The following PIK3R6 variants were observed in gnomAD, a reference collection of about 807,000 sequenced individuals.
The protein encoded by PIK3R6 is phosphoinositide-3-kinase regulatory subunit 6.
A neutral mutation model predicts 84.9 loss-of-function variants in PIK3R6; 91 were observed. The ratio of observed to expected loss-of-function variants is 1.07; its 90% CI spans 0.90 to 1.28. The LOEUF (loss-of-function observed/expected upper bound fraction) is 1.28, where lower values mean the gene tolerates loss of function less well. Among genes scored for constraint, PIK3R6 ranks in the 50% most tolerant of loss-of-function variants. PIK3R6 has a pLI of 0.00. For missense variants in PIK3R6, 996 were observed against 985.1 expected (o/e 1.01, Z -0.15); for synonymous variants, 416 against 411.4 (o/e 1.01, Z -0.13).
intron 1 of PIK3R6, among the ~76,000 whole-genome samples, chr17:8,854,189 C>A (rs541403593): frequency 6.6e-6 from 1 of 151,834 alleles, no homozygotes; most frequent in East Asian, 1.9e-4. Flanking sequence ...CTTGCTCTGT[C>A]GCCAGGCTGG....
chr17:8,821,843 CA>C lies in PIK3R6; in HGVS notation c.1879+2del. On this transcript the variant is annotated splice_donor_variant, in intron 17 of 19. Transcript: ENST00000619866. LOFTEE classifies it high-confidence loss of function. ...TCTTTGCTCTGCATTCCCCATTCCT[CA>C]CCTTCTGTGTCGCTGGCTGGAATGG... 6.3e-7 allele frequency: 1 copy of C among 1,589,092 alleles called. No homozygotes were observed. Among genetic ancestry groups the C allele is most frequent in the Non-Finnish European group, 8.6e-7 (1 of 1,167,174 alleles).
In PIK3R6 at chr17:8,803,315, G is replaced by T. The variant is rs1453134990; in HGVS notation, c.2223C>A (p.Pro741=). Reference sequence around the variant, plus strand: ...AGAATGTGTTGATGGGCATCAGAAGGGGCTTGGGCTTGGCTTTGATTGCTT... The same window carrying T: ...AGAATGTGTTGATGGGCATCAGAAGTGGCTTGGGCTTGGCTTTGATTGCTT... The part of the protein sequence containing the change: ...EVEAIKAKPK[P]LLMPINTFSG... The change falls in exon 20 of 20, where the codon CCC becomes CCA. Residue 741 remains proline (P), a synonymous_variant. Coordinates refer to ENST00000619866, the MANE Select transcript of PIK3R6 (RefSeq NM_001010855.4). This position sits in a 1 kb window ranked among gnomAD's most constrained non-coding sequence, Gnocchi z 5.0. 3 of 1,613,150 alleles carry T rather than the reference G, an allele frequency of 1.9e-6. No homozygotes were observed. Among genetic ancestry groups the T allele is most frequent in the Admixed American group, 3.3e-5 (2 of 60,018 alleles).
chr17:8,855,857 T>C (rs188858939), intron 1 of PIK3R6, among the ~76,000 whole-genome samples: 280 of 152,372 alleles, frequency 1.8e-3, no homozygotes, highest in African/African-American at 6.5e-3. Flanking sequence ...TAAAAACTTA[T>C]GTTCACACAA....
intron 1 of PIK3R6, among the ~76,000 whole-genome samples, chr17:8,861,245 G>T (rs541747485): frequency 1.9e-4 from 29 of 152,002 alleles, no homozygotes; most frequent in African/African-American, 6.8e-4. Context: ...TCTATATTGT[G>T]GTTCAAGTTG....
intron 17 of PIK3R6, among the ~76,000 whole-genome samples, chr17:8,819,909 CATATATATATTTTATATAT>C (rs1329472887): frequency 5.7e-5 from 8 of 140,488 alleles, no homozygotes; most frequent in Admixed American, 1.4e-4. Context: ...TGTATACATA[CATATATATATTTTATATAT>C]ATATATATAT....
chr17:8,843,447 T>C lies in PIK3R6; in HGVS notation c.14-3750A>G, dbSNP rs75841734. On this transcript the variant is annotated intron_variant, in intron 2 of 19. Transcript: ENST00000619866. ...ACAGCCAAGCCTTTGTCTTCTGAGC[T>C]TGGGTCCCCTTGCTTTGCAAGGGAA... Among the ~76,000 whole-genome samples the C allele has an allele frequency of 1.3e-3, 204 of 152,300 alleles. 1 individual carries two copies. In the East Asian group the frequency reaches 0.029, roughly 21 times the overall value.
Position 8,867,644 on chromosome 17 carries a change from C to G in PIK3R6, c.-207G>C. On this transcript the variant is annotated 5_prime_UTR_variant, in exon 1 of 20. Transcript: ENST00000619866. ...GTCTTGGGGGAGCCTCCACGGGTGT[C>G]TGTGGTCTTGACTGTGCTCTTCAGA... is the stretch of plus-strand genomic sequence containing the variant. 1 of 490,260 alleles carries G rather than the reference C, an allele frequency of 2.0e-6. No individual in the cohort carries two copies. Among genetic ancestry groups the G allele is most frequent in the Non-Finnish European group, 4.1e-6 (1 of 242,306 alleles). The allele number at this position is 490,260 out of a possible 1,614,324, so 30.4% of individuals were successfully genotyped here.
At position 8,836,886 on chromosome 17, in the gene PIK3R6, T is replaced by G. The variant is rs1304360770; in HGVS notation, c.296A>C (p.Tyr99Ser). ...GGTCAGTAACCTTGTGCAAAAGGCA[T>G]AGATTCTCTGGTAGAGCTCTTCTGT... ...GITEELYQRI[Y>S]AFCTRLLTLP... is the part of the protein sequence containing the mutation. Residue 99 changes from tyrosine to serine, a missense_variant, in exon 6 of 20, where the codon TAT becomes TCT. Transcript: ENST00000619866. 6.4e-7 allele frequency: 1 copy of G among 1,558,590 alleles called. No homozygotes were observed. Among genetic ancestry groups the G allele is most frequent in the African/African-American group, 1.4e-5 (1 of 73,310 alleles).
chr17:8,847,884 G>T (rs542874892), intron 2 of PIK3R6, among the ~76,000 whole-genome samples: 2 of 152,084 alleles, frequency 1.3e-5, no homozygotes, highest in South Asian at 4.2e-4. Context: ...TTATCCACTG[G>T]ATCTGGGAAT....
At chr17:8,829,137 A>G in intron 10 of PIK3R6, 147 bp from the exon 11 acceptor site, 1 of 699,880 alleles carries the variant, frequency 1.4e-6, no homozygotes, top group East Asian at 3.1e-5. Context: ...ACAGAGACTC[A>G]CACACAGAGA....
intron 9 of PIK3R6, among the ~76,000 whole-genome samples, chr17:8,832,133 C>T (rs909275473): frequency 6.6e-6 from 1 of 152,156 alleles, no homozygotes; most frequent in Non-Finnish European, 1.5e-5. Context: ...TGTATCTTGG[C>T]TTTGCCATTT....
intron 17 of PIK3R6, among the ~76,000 whole-genome samples, chr17:8,819,892 A>G (rs1255687860): frequency 1.4e-5 from 2 of 146,086 alleles, no homozygotes; most frequent in Admixed American, 6.9e-5. Flanking sequence ...ACACACACGT[A>G]TATATGTGTA....
chr17:8,823,489 G>A lies in PIK3R6; in HGVS notation c.1524C>T (p.Ser508=). The change falls in exon 14 of 20, where the codon TCC becomes TCT. Residue 508 remains serine, a synonymous_variant. Transcript: ENST00000619866. ...GGTCCACAGTCCGGGATGTGTCCAG[G>A]GAAGGAGGCTGTGATGGAGACAGGG... ...AIHKLAEMPP[S]LDTSRTVDPF... 6.2e-7 allele frequency: 1 copy of A among 1,607,260 alleles called. No homozygotes were observed. The highest frequency in any genetic ancestry group is 8.5e-7 in the Non-Finnish European group (1 of 1,174,084).
At chr17:8,827,763 GGAGAGAGAGAGA>G (rs199969342) in intron 12 of PIK3R6, among the ~76,000 whole-genome samples, 613 of 34,816 alleles carry the variant, frequency 0.018, 20 homozygotes, top group East Asian at 0.13. Flanking sequence ...GAGAGAGAGA[GGAGAGAGAGAGA>G]GAGAGAGAGA....
chr17:8,849,667 C>T (rs1189569201), intron 2 of PIK3R6, 115 bp downstream of exon 2: 4 of 1,225,562 alleles, frequency 3.3e-6, no homozygotes, highest in Non-Finnish European at 4.3e-6. Context: ...TGGGGTCTTG[C>T]AGCCTGTCTA....
At chr17:8,823,132 A>G in intron 14 of PIK3R6, 46 bp from the exon 15 acceptor site, 1 of 1,410,440 alleles carries the variant, frequency 7.1e-7, no homozygotes, top group Non-Finnish European at 1.0e-6. Flanking sequence ...TGATTTCCAA[A>G]TCACTCTATC....
intron 18 of PIK3R6, among the ~76,000 whole-genome samples, chr17:8,806,522 C>A (rs903561979): frequency 1.1e-4 from 16 of 152,088 alleles, no homozygotes; most frequent in African/African-American, 3.9e-4. Context: ...TTGGCTTTGG[C>A]CCATAAGGAG....
chr17:8,826,455 A>G (rs1452932103), intron 13 of PIK3R6, among the ~76,000 whole-genome samples: 1 of 152,236 alleles, frequency 6.6e-6, no homozygotes, highest in African/African-American at 2.4e-5. Context: ...CCATAAAAAA[A>G]GAGTGAGTTA....
chr17:8,829,866 A>G, intron 9 of PIK3R6, 74 bp from the exon 10 acceptor site: 1 of 1,251,124 alleles, frequency 8.0e-7, no homozygotes, highest in Non-Finnish European at 1.1e-6. Context: ...CATCCTGCCC[A>G]GCTCCTGTGC....
Sources: allele counts gnomAD v4.1 joint callset (sites outside exome capture counted in the v4.1 genomes callset), GRCh38; gene constraint gnomAD v4.1.1; non-coding constraint Gnocchi (gnomAD v3.1); transcripts MANE v1.5; gene names NCBI Gene and HGNC (gene_info 2026-07-23, HGNC 2026-07-21).